VPS8: variants seen among roughly 807,000 people sequenced by gnomAD.
VPS8 encodes the protein vacuolar protein sorting-associated protein 8 homolog.
A neutral mutation model predicts 216.4 loss-of-function variants in VPS8; 129 were observed. The observed-to-expected ratio is 0.60, with a 90% CI of 0.52 to 0.69. The LOEUF (loss-of-function observed/expected upper bound fraction) is 0.69. Ranked by LOEUF, VPS8 falls within the 30% of genes least tolerant of loss-of-function variation. The pLI, the probability that VPS8 is intolerant of heterozygous loss-of-function variation, is 0.00. For synonymous variants in VPS8, 571 were observed against 565.4 expected (o/e 1.01, Z -0.14); for missense variants, 1,531 against 1,683.5 (o/e 0.91, Z 1.59).
chr3:184,903,616 A>T (rs78771032), intron 25 of VPS8, among the ~76,000 whole-genome samples: 100 of 132,564 alleles, frequency 7.5e-4, no homozygotes, highest in African/African-American at 3.2e-3. Context: ...CTGCTGAATT[A>T]AAAAAAAAAA....
chr3:185,032,686 G>A (rs529953519), intron 46 of VPS8, among the ~76,000 whole-genome samples: 12 of 150,874 alleles, frequency 8.0e-5, no homozygotes, highest in Admixed American at 7.9e-4. Context: ...TTTTTCTTGA[G>A]ACAAAGTCTC....
At chr3:185,016,261 TAAGG>T (rs1184433597) in intron 45 of VPS8, among the ~76,000 whole-genome samples, 11 of 152,232 alleles carry the variant, frequency 7.2e-5, no homozygotes, top group African/African-American at 2.7e-4. Flanking sequence ...TAAGTAGGAT[TAAGG>T]AATAGTAGTC....
intron 18 of VPS8, 59 bp from the exon 19 acceptor site, chr3:184,868,887 A>T (rs1263394235): frequency 1.1e-5 from 16 of 1,480,332 alleles, no homozygotes; most frequent in African/African-American, 1.4e-5. Context: ...TGGAATAGGA[A>T]TTCTGACTGG....
chr3:184,979,414 C>T (rs775114717), intron 40 of VPS8, among the ~76,000 whole-genome samples: 10 of 152,120 alleles, frequency 6.6e-5, no homozygotes, highest in Non-Finnish European at 1.3e-4. Context: ...AAGTCTCCCA[C>T]TATTATTGTG....
In VPS8 at chr3:184,962,324, A is replaced by C. The variant is rs557658877; in HGVS notation, c.3184-2144A>C. Among the ~76,000 whole-genome samples, 3 of 152,238 alleles carry C rather than the reference A, an allele frequency of 2.0e-5. No individual in the cohort carries two copies. In the South Asian group the frequency reaches 6.2e-4, roughly 32 times the overall value. ...TTAGACAACCAAGTAGTGTAGTTCT[A>C]CTGATTGCCAAGTTGATTTCCAGAT... On this transcript the variant is annotated intron_variant, in intron 37 of 47. Transcript: ENST00000625842.
At chr3:184,850,097 T>C in intron 10 of VPS8, 75 bp downstream of exon 10, 1 of 1,280,632 alleles carries the variant, frequency 7.8e-7, no homozygotes, top group Non-Finnish European at 1.1e-6. Context: ...AATTTCTCTA[T>C]GTTGATGATC....
chr3:184,979,022 G>A (rs1418603704), intron 40 of VPS8, among the ~76,000 whole-genome samples: 1 of 152,140 alleles, frequency 6.6e-6, no homozygotes, highest in East Asian at 1.9e-4. Flanking sequence ...TGGTTTCAAA[G>A]AATTTCTTGA....
chr3:184,935,415 T>TA (rs1741427322), intron 34 of VPS8, among the ~76,000 whole-genome samples: 1 of 152,214 alleles, frequency 6.6e-6, no homozygotes, highest in Non-Finnish European at 1.5e-5. Flanking sequence ...ATTATGAATC[T>TA]ACAAGTACTA....
intron 23 of VPS8, among the ~76,000 whole-genome samples, chr3:184,897,200 G>GGCTA (rs954305228): frequency 1.3e-5 from 2 of 152,156 alleles, no homozygotes; most frequent in Non-Finnish European, 2.9e-5. Flanking sequence ...GAAGCAAAGA[G>GGCTA]GCTAGTTAGG....
chr3:184,864,501 A>G (rs534970544), intron 16 of VPS8, among the ~76,000 whole-genome samples: 8 of 152,306 alleles, frequency 5.3e-5, no homozygotes, highest in African/African-American at 1.9e-4. Context: ...GGACCAGGGA[A>G]GAGCCATTTG....
rs1351426947 is a variant in VPS8, at chr3:184,928,436, A to G, written c.2632-15A>G. The G allele has an allele frequency of 6.5e-7, 1 of 1,531,442 alleles. No homozygotes were observed. The highest frequency in any genetic ancestry group is 8.7e-7 in the Non-Finnish European group (1 of 1,151,392). The allele number at this position is 1,531,442 out of a possible 1,614,324, so 94.9% of individuals were successfully genotyped here. ...AATTCTCAAGTGTTTTTACTCATTT[A>G]TTGTAAATACTCAGGTCCTTTTAGA... On this transcript the variant is annotated splice_polypyrimidine_tract_variant and intron_variant, in intron 31 of 47. Coordinates refer to ENST00000625842, the MANE Select transcript of VPS8 (RefSeq NM_001009921.3).
chr3:184,914,524 A>G (rs1019149468), intron 26 of VPS8, among the ~76,000 whole-genome samples: 1 of 152,170 alleles, frequency 6.6e-6, no homozygotes, highest in Non-Finnish European at 1.5e-5. Context: ...GTCCTGTCGC[A>G]GACTTCCCAG....
intron 21 of VPS8, among the ~76,000 whole-genome samples, chr3:184,884,262 G>T (rs946401155): frequency 1.3e-5 from 2 of 151,528 alleles, no homozygotes; most frequent in African/African-American, 4.9e-5. Flanking sequence ...GTGGTGTTCC[G>T]CGCCCTGTGT....
At chr3:184,976,186 T>C (rs1749239033) in intron 40 of VPS8, among the ~76,000 whole-genome samples, 3 of 152,168 alleles carry the variant, frequency 2.0e-5, no homozygotes, top group African/African-American at 7.2e-5. Context: ...CCTACTCTCC[T>C]CTTCACATAC....
intron 25 of VPS8, among the ~76,000 whole-genome samples, chr3:184,909,789 G>T (rs1158100664): frequency 6.6e-6 from 1 of 152,018 alleles, no homozygotes; most frequent in Non-Finnish European, 1.5e-5. Context: ...TTATTTTCTT[G>T]GTTTTTCATG....
chr3:184,938,420 C>T (rs1742021585), intron 35 of VPS8, among the ~76,000 whole-genome samples: 1 of 152,142 alleles, frequency 6.6e-6, no homozygotes, highest in Non-Finnish European at 1.5e-5. Context: ...GATTGGAATG[C>T]TAATGGAGCC....
chr3:184,819,854 G>A (rs927346307), intron 1 of VPS8, among the ~76,000 whole-genome samples: 1 of 152,126 alleles, frequency 6.6e-6, no homozygotes, highest in Admixed American at 6.5e-5. Context: ...CACATATTTT[G>A]TGTGTTATTT....
In VPS8 at chr3:184,859,186, G is replaced by A. The variant is rs530521465; in HGVS notation, c.1144-799G>A. 3.5e-3 allele frequency among the ~76,000 whole-genome samples: 535 copies of A among 152,300 alleles called. 5 individuals carry two copies. Among genetic ancestry groups the A allele is most frequent in the Non-Finnish European group, 3.4e-3 (228 of 68,030 alleles). On this transcript the variant is annotated intron_variant, in intron 14 of 47. Transcript: ENST00000625842. ...TGAATATTTTTCCTCACTAATTGATGGGTATGGTCTACAGCTGCAGGCTTC... is the reference window on the plus strand; with the variant it reads ...TGAATATTTTTCCTCACTAATTGATAGGTATGGTCTACAGCTGCAGGCTTC...
intron 36 of VPS8, among the ~76,000 whole-genome samples, chr3:184,954,085 C>T (rs1457583447): frequency 6.6e-6 from 1 of 152,162 alleles, no homozygotes; most frequent in African/African-American, 2.4e-5. Flanking sequence ...GCAGCTCACA[C>T]AATTCAGGGA....
Sources: gnomAD v4.1 joint callset for allele counts (sites outside exome capture counted in the v4.1 genomes callset) on GRCh38, gnomAD v4.1.1 for gene constraint, MANE v1.5 for transcripts, NCBI Gene and HGNC (gene_info 2026-07-23, HGNC 2026-07-21) for gene names.